Variants in MDGA2 observed in about 807,000 individuals in gnomAD.
MDGA2 encodes MAM domain-containing glycosylphosphatidylinositol anchor protein 2.
Under a neutral mutation model 117.8 loss-of-function variants are expected in MDGA2, and 40 were observed. That is an observed-to-expected ratio of 0.34 (90% CI 0.26 to 0.44). The LOEUF (loss-of-function observed/expected upper bound fraction) is 0.44. MDGA2 is among the 20% of genes least tolerant of loss of function. The pLI, the probability that MDGA2 is intolerant of heterozygous loss-of-function variation, is 1.00. For synonymous variants in MDGA2, 452 were observed against 439.0 expected, an observed-to-expected ratio of 1.03 and a Z score of -0.37; for missense variants, 1,123 against 1,250.6, an observed-to-expected ratio of 0.90 and a Z score of 1.54.
chr14:47,647,862 T>C (rs1019954471), intron 1 of MDGA2, among the ~76,000 whole-genome samples: 10 of 152,156 alleles, frequency 6.6e-5, no homozygotes, highest in African/African-American at 2.4e-4. Flanking sequence ...TTATAACTTA[T>C]ATAGATCCAT....
At chr14:47,615,168 C>A (rs1896926768) in intron 1 of MDGA2, among the ~76,000 whole-genome samples, 1 of 151,890 alleles carries the variant, frequency 6.6e-6, no homozygotes, top group Admixed American at 6.6e-5. Flanking sequence ...ATAAAAAAGA[C>A]AAACACATTT....
intron 4 of MDGA2, among the ~76,000 whole-genome samples, chr14:47,137,197 T>A (rs983941976): frequency 6.6e-6 from 1 of 152,200 alleles, no homozygotes; most frequent in Non-Finnish European, 1.5e-5. Flanking sequence ...TTTGAGATGA[T>A]TTCTATTCTT....
chr14:47,231,812 A>T (rs1886702690), intron 2 of MDGA2, among the ~76,000 whole-genome samples: 1 of 152,008 alleles, frequency 6.6e-6, no homozygotes, highest in Non-Finnish European at 1.5e-5. Flanking sequence ...AGGTCTGAGA[A>T]TCTTCTGAAA....
chr14:47,561,163 G>GTTTTTTTTTTT (rs1309865250), intron 1 of MDGA2, among the ~76,000 whole-genome samples: 7 of 83,874 alleles, frequency 8.3e-5, no homozygotes, highest in Non-Finnish European at 1.2e-4. Flanking sequence ...GTTTTGTTTT[G>GTTTTTTTTTTT]TTTTTTTGTT....
At chr14:47,307,390 A>C (rs903228311) in intron 1 of MDGA2, among the ~76,000 whole-genome samples, 18 of 152,262 alleles carry the variant, frequency 1.2e-4, no homozygotes, top group Non-Finnish European at 2.5e-4. Context: ...TTATCAAAAA[A>C]TTTGACAGGG....
At chr14:47,455,733 AC>A (rs1305865808) in intron 1 of MDGA2, among the ~76,000 whole-genome samples, 1 of 148,964 alleles carries the variant, frequency 6.7e-6, no homozygotes, top group Admixed American at 6.8e-5. Context: ...GCAATGGCTC[AC>A]GCCTGTAATC....
At chr14:47,674,224 T>A (rs1051889111) in intron 1 of MDGA2, among the ~76,000 whole-genome samples, 3 of 152,114 alleles carry the variant, frequency 2.0e-5, no homozygotes, top group African/African-American at 7.2e-5. Context: ...CAAAGACTGC[T>A]GGAGCTCGGA....
In MDGA2 at chr14:46,882,030, G is replaced by A; in HGVS notation, c.2416+14C>T. ...AATATATAAATAAATAATTTTAAAT[G>A]AAAGGCTACTTACCACTATATTTGA... is the stretch of plus-strand genomic sequence containing the variant. On this transcript the variant is annotated intron_variant, in intron 11 of 16. Coordinates refer to ENST00000399232, the MANE Select transcript of MDGA2 (RefSeq NM_001113498.3). 6.7e-7 allele frequency: 1 copy of A among 1,486,148 alleles called. No individual in the cohort carries two copies. The highest frequency in any genetic ancestry group is 9.0e-7 in the Non-Finnish European group (1 of 1,115,894). The allele number at this position is 1,486,148 out of a possible 1,614,324, so 92.1% of individuals were successfully genotyped here. A position where few individuals can be genotyped will look rare whatever the true frequency, so the allele number is the denominator to read the frequency against.
At chr14:47,655,080 T>C (rs922260673) in intron 1 of MDGA2, among the ~76,000 whole-genome samples, 3 of 152,134 alleles carry the variant, frequency 2.0e-5, no homozygotes, top group African/African-American at 7.2e-5. Flanking sequence ...ATAGTCCTCA[T>C]TGTGCCCTCC....
intron 8 of MDGA2, among the ~76,000 whole-genome samples, chr14:47,005,568 T>A (rs1310445031): frequency 6.6e-6 from 1 of 151,534 alleles, no homozygotes; most frequent in African/African-American, 2.4e-5. Flanking sequence ...TTGGTAGGGA[T>A]TTTTTTACAT....
In MDGA2 at chr14:47,674,924, G is replaced by GA. The variant is rs1415556822; in HGVS notation, c.-129_-128insT. ...CAGACGCCGGGGAGGAGCAGGGGGC[G>GA]GTGATGGGAAGGGGAGCTGCGAGGC... On this transcript the variant is annotated 5_prime_UTR_variant, in exon 1 of 17. Coordinates refer to ENST00000399232, the MANE Select transcript of MDGA2 (RefSeq NM_001113498.3). 2.5e-5 allele frequency: 13 copies of GA among 519,136 alleles called. No individual in the cohort carries two copies. Among genetic ancestry groups the GA allele is most frequent in the Non-Finnish European group, 4.3e-5 (13 of 299,548 alleles). 32.2% of individuals were successfully genotyped at this position (519,136 alleles called of 1,614,324 possible).
intron 1 of MDGA2, among the ~76,000 whole-genome samples, chr14:47,511,385 T>A (rs1894637108): frequency 6.6e-6 from 1 of 152,170 alleles, no homozygotes. Context: ...ATTTATATGA[T>A]GTGGAAACAG....
At chr14:47,487,363 CA>C (rs1894082730) in intron 1 of MDGA2, among the ~76,000 whole-genome samples, 1 of 152,138 alleles carries the variant, frequency 6.6e-6, no homozygotes, top group African/African-American at 2.4e-5. Context: ...ATGAGTCATA[CA>C]TTAATAAAAC....
rs115048106 is a variant in MDGA2, at chr14:46,932,106, A to G, written c.2090-11946T>C. On this transcript the variant is annotated intron_variant, in intron 9 of 16. Transcript: ENST00000399232. ...TTTAAAGAAAATGCCATATAGCAGG[A>G]TTCTCATGATATACAGTTCATTTCC... Among the ~76,000 whole-genome samples, 683 of 152,204 alleles carry G rather than the reference A, an allele frequency of 4.5e-3. 6 individuals carry two copies. Among genetic ancestry groups the G allele is most frequent in the African/African-American group, 0.015 (630 of 41,564 alleles).
At chr14:47,454,491 C>T (rs181239261) in intron 1 of MDGA2, among the ~76,000 whole-genome samples, 232 of 152,170 alleles carry the variant, frequency 1.5e-3, no homozygotes, top group Non-Finnish European at 1.8e-3. Flanking sequence ...CAAGCTAATT[C>T]GATAGTACTA....
At position 47,318,393 on chromosome 14, in the gene MDGA2, T is replaced by A. The variant is rs75574952; in HGVS notation, c.281-16843A>T. Among the ~76,000 whole-genome samples the A allele has an allele frequency of 3.0e-3, 464 of 152,230 alleles. 4 individuals carry two copies. Among genetic ancestry groups the A allele is most frequent in the African/African-American group, 0.011 (449 of 41,558 alleles). On this transcript the variant is annotated intron_variant, in intron 1 of 16. Coordinates refer to ENST00000399232, the MANE Select transcript of MDGA2 (RefSeq NM_001113498.3). ...CATGTTGTTCTCCCTAGTTTCGAAG[T>A]CCTTTCCACTAATCTAATTGCTTAC...
At chr14:47,639,709 T>G (rs1897387823) in intron 1 of MDGA2, among the ~76,000 whole-genome samples, 1 of 152,146 alleles carries the variant, frequency 6.6e-6, no homozygotes, top group Non-Finnish European at 1.5e-5. Context: ...CCAGTTCAGC[T>G]CCTACCAGAG....
intron 1 of MDGA2, among the ~76,000 whole-genome samples, chr14:47,370,408 A>G (rs1211132123): frequency 1.3e-5 from 2 of 149,204 alleles, no homozygotes; most frequent in African/African-American, 4.9e-5. Flanking sequence ...TTATGAAAAG[A>G]AAGTTCATCA....
intron 6 of MDGA2, among the ~76,000 whole-genome samples, chr14:47,096,095 G>T (rs146571066): frequency 5.9e-5 from 9 of 152,050 alleles, no homozygotes; most frequent in Non-Finnish European, 1.0e-4. Context: ...ATACTAGCTG[G>T]TAATGACCAC....
Sources: allele counts gnomAD v4.1 joint callset (sites outside exome capture counted in the v4.1 genomes callset), GRCh38; gene constraint gnomAD v4.1.1; transcripts MANE v1.5; gene names NCBI Gene and HGNC (gene_info 2026-07-23, HGNC 2026-07-21).